The following DCAF1 variants were observed in gnomAD, a reference collection of about 807,000 sequenced individuals.
DCAF1 encodes DDB1 and CUL4 associated factor 1.
Under a neutral mutation model 128.0 loss-of-function variants are expected in DCAF1, and 15 were observed. The observed-to-expected ratio is 0.12, with a 90% CI of 0.08 to 0.18. The LOEUF (loss-of-function observed/expected upper bound fraction) is 0.18, where lower values mean the gene tolerates loss of function less well. Among genes scored for constraint, DCAF1 ranks in the 10% least tolerant of loss-of-function variants. The pLI is 1.00. For synonymous variants in DCAF1, 610 were observed against 603.0 expected (o/e 1.01, Z -0.17); for missense variants, 988 against 1,649.5 (o/e 0.60, Z 6.95).
At chr3:51,456,058 T>C (rs557984714) in intron 6 of DCAF1, among the ~76,000 whole-genome samples, 1 of 152,204 alleles carries the variant, frequency 6.6e-6, no homozygotes, top group South Asian at 2.1e-4. Flanking sequence ...AGACAGTAGG[T>C]GCAGGACAGT....
chr3:51,421,108 T>C (rs782794575), intron 14 of DCAF1, 111 bp from the exon 15 acceptor site: 54 of 1,304,492 alleles, frequency 4.1e-5, no homozygotes, highest in Non-Finnish European at 2.0e-5. Flanking sequence ...TAAAAAACTA[T>C]ATTACTTTTG....
chr3:51,458,194 G>C (rs1300509091), intron 6 of DCAF1, among the ~76,000 whole-genome samples: 4 of 152,180 alleles, frequency 2.6e-5, no homozygotes, highest in Non-Finnish European at 4.4e-5. Flanking sequence ...ACACACATAG[G>C]CTCAAAAGAA....
At chr3:51,460,951 A>G (rs1441307497) in intron 6 of DCAF1, among the ~76,000 whole-genome samples, 1 of 152,116 alleles carries the variant, frequency 6.6e-6, no homozygotes, top group Non-Finnish European at 1.5e-5. Context: ...CTAAAACCAT[A>G]AAAACCCTAG....
chr3:51,419,179 G>A (rs965078387), intron 15 of DCAF1, among the ~76,000 whole-genome samples: 2 of 152,016 alleles, frequency 1.3e-5, no homozygotes, highest in Admixed American at 6.6e-5. Flanking sequence ...TGGCCAACAT[G>A]GTAAAACCCC....
chr3:51,487,805 T>C (rs1176479009), intron 2 of DCAF1, among the ~76,000 whole-genome samples: 5 of 151,872 alleles, frequency 3.3e-5, no homozygotes, highest in Non-Finnish European at 5.9e-5. Context: ...CCTCCCAAAG[T>C]GCTAGGATTA....
chr3:51,402,990 T>C (rs1211905256), intron 24 of DCAF1, among the ~76,000 whole-genome samples, 153 bp downstream of exon 24: 5 of 152,186 alleles, frequency 3.3e-5, no homozygotes, highest in African/African-American at 1.2e-4. Context: ...AGGGCAGAGA[T>C]GCAAAGGTGC....
the DCAF1 span, among the ~76,000 whole-genome samples, chr3:51,505,429 T>C: frequency 1.3e-5 from 2 of 152,102 alleles, no homozygotes; most frequent in Non-Finnish European, 2.9e-5. Flanking sequence ...CTCTTGGAGA[T>C]GTTGCCAGAT....
intron 23 of DCAF1, among the ~76,000 whole-genome samples, chr3:51,411,377 T>TGGAGAATGTACTCTTGGAA (rs1698403560): frequency 6.6e-6 from 1 of 152,120 alleles, no homozygotes; most frequent in Non-Finnish European, 1.5e-5. Flanking sequence ...GAATCTGCCC[T>TGGAGAATGTACTCTTGGAA]GGAGAATGTA....
chr3:51,418,680 T>C lies in DCAF1; in HGVS notation c.3433A>G (p.Arg1145Gly), dbSNP rs1553631365. ...NSAITHLEPS[R>G]DGSLLLTSAT... ...GCATCCTAGGAAGGAACCCTTACCCTGGAAGGTTCAAGATGTGTGATGGCT... is the reference window on the plus strand; with the variant it reads ...GCATCCTAGGAAGGAACCCTTACCCCGGAAGGTTCAAGATGTGTGATGGCT... Residue 1145 changes from arginine (R) to glycine (G), a missense_variant and splice_region_variant, in exon 16 of 25, where the codon AGG (arginine) becomes GGG (glycine). Transcript: ENST00000684031. 6.2e-7 allele frequency: 1 copy of C among 1,610,642 alleles called. No individual in the cohort carries two copies.
chr3:51,503,902 A>G (rs1553664837), upstream of DCAF1, among the ~76,000 whole-genome samples: 1 of 152,206 alleles, frequency 6.6e-6, no homozygotes, highest in Admixed American at 6.5e-5. Context: ...AGAGGAGATA[A>G]AAAAGCAAGC....
intron 13 of DCAF1, 52 bp from the exon 14 acceptor site, chr3:51,422,483 AAG>A (rs1375825672): frequency 1.1e-5 from 8 of 714,998 alleles, no homozygotes; most frequent in Non-Finnish European, 2.1e-5. Flanking sequence ...CACAAGAATC[AAG>A]AGAGACAGAG....
At position 51,427,402 on chromosome 3, in the gene DCAF1, A is replaced by G. The variant is rs1341526136; in HGVS notation, c.1817T>C (p.Ile606Thr). Reference sequence around the variant, plus strand: ...ATAATAGGTCTTCCAATTGCAGGCAATAGAAATAAGCTGCAACAAGAGTTG... The same window carrying G: ...ATAATAGGTCTTCCAATTGCAGGCAGTAGAAATAAGCTGCAACAAGAGTTG... ...CVQLLLQLIS[I>T]ACNWKTYYAR... Residue 606 changes from isoleucine (I) to threonine (T), a missense_variant, in exon 13 of 25, where the codon ATT becomes ACT. Physicochemically the swap from Ile to Thr is moderately conservative, Grantham distance 89 (BLOSUM62 -1). Around this residue, in one of 11 missense-constraint regions of DCAF1, gnomAD observed 185 missense variants for 248.1 expected, o/e 0.75. Coordinates refer to ENST00000684031, the MANE Select transcript of DCAF1 (RefSeq NM_001387579.1). 5 of 772,960 alleles carry G rather than the reference A, an allele frequency of 6.5e-6. No homozygotes were observed. Among genetic ancestry groups the G allele is most frequent in the African/African-American group, 1.7e-5 (1 of 58,562 alleles). 47.9% of individuals were successfully genotyped at this position (772,960 alleles called of 1,614,324 possible). A position where few individuals can be genotyped will look rare whatever the true frequency, so the allele number is the denominator to read the frequency against.
chr3:51,425,166 A>G (rs1428293238), intron 13 of DCAF1, among the ~76,000 whole-genome samples: 1 of 152,170 alleles, frequency 6.6e-6, no homozygotes, highest in Non-Finnish European at 1.5e-5. Flanking sequence ...AATCAAGGAC[A>G]TATTTTTTCA....
At position 51,471,018 on chromosome 3, in the gene DCAF1, A is replaced by G. The variant is rs187358958; in HGVS notation, c.111-13T>C. The G allele has an allele frequency of 7.3e-5, 115 of 1,583,988 alleles. 1 individual carries two copies. The African/African-American group carries it at 1.4e-3, about 19-fold the overall frequency. On this transcript the variant is annotated splice_polypyrimidine_tract_variant and intron_variant, in intron 3 of 24. Transcript: ENST00000684031. ...CAATTGAGACATCCTAGCACAAAGG[A>G]AACAAGGGGTCAACTCTGGACAAGC...
intron 15 of DCAF1, 36 bp from the exon 16 acceptor site, chr3:51,418,912 T>C: frequency 2.6e-6 from 4 of 1,558,716 alleles, no homozygotes; most frequent in Non-Finnish European, 3.5e-6. Context: ...AGGCAAAGAA[T>C]GTGCAGGGAC....
Position 51,421,449 on chromosome 3 carries a change from G to T in DCAF1, c.1973-452C>A, listed in dbSNP as rs372442306. ...TTTTTGTATTTTTAGTAGAGGTGGGGTTTCACCATGTTGGCCAGTCTGGTC... is the reference window on the plus strand; with the variant it reads ...TTTTTGTATTTTTAGTAGAGGTGGGTTTTCACCATGTTGGCCAGTCTGGTC... On this transcript the variant is annotated intron_variant, in intron 14 of 24. Transcript: ENST00000684031. Among the ~76,000 whole-genome samples the T allele has an allele frequency of 5.9e-5, 9 of 152,180 alleles. No individual in the cohort carries two copies. The East Asian group carries it at 1.5e-3, about 26-fold the overall frequency.
chr3:51,482,675 G>A (rs1219656426), intron 3 of DCAF1, among the ~76,000 whole-genome samples: 1 of 140,684 alleles, frequency 7.1e-6, no homozygotes, highest in Admixed American at 7.9e-5. Context: ...TGAGGCAGAA[G>A]AATAACTTGA....
intron 10 of DCAF1, among the ~76,000 whole-genome samples, chr3:51,430,925 A>G (rs1700312005): frequency 6.6e-6 from 1 of 152,250 alleles, no homozygotes; most frequent in East Asian, 1.9e-4. Context: ...AGAAGTAACA[A>G]GAGCTTTGCT....
intron 13 of DCAF1, among the ~76,000 whole-genome samples, chr3:51,424,629 A>G (rs1553633636): frequency 6.6e-6 from 1 of 152,186 alleles, no homozygotes; most frequent in Admixed American, 6.5e-5. Context: ...AAACAAAAAC[A>G]CTAAATTAGC....
Sources: gnomAD v4.1 joint callset for allele counts (sites outside exome capture counted in the v4.1 genomes callset) on GRCh38, gnomAD v4.1.1 for gene constraint, gnomAD v4.1.1 regional missense constraint, MANE v1.5 for transcripts, NCBI Gene and HGNC (gene_info 2026-07-23, HGNC 2026-07-21) for gene names.